Variants in CTNNA2 observed in about 807,000 individuals in gnomAD.
CTNNA2 encodes the protein catenin alpha-2.
In CTNNA2, 42 loss-of-function variants were observed where a neutral mutation model predicts 101.0. The observed-to-expected ratio is 0.42, with a 90% confidence interval of 0.32 to 0.54. CTNNA2 has a LOEUF of 0.54. Ranked by LOEUF, CTNNA2 falls within the 20% of genes least tolerant of loss-of-function variation. The pLI is 0.14. For synonymous variants in CTNNA2, 450 were observed against 456.4 expected, an observed-to-expected ratio of 0.99 and a Z score of 0.18; for missense variants, 871 against 1,223.1, an observed-to-expected ratio of 0.71 and a Z score of 4.29.
intron 7 of CTNNA2, among the ~76,000 whole-genome samples, chr2:79,946,121 C>T (rs534436040): frequency 3.3e-5 from 5 of 152,184 alleles, no homozygotes; most frequent in African/African-American, 9.6e-5. Flanking sequence ...GAGCCCCCTG[C>T]ATCCATCAAG....
At chr2:80,366,935 C>G (rs1674988860) in intron 7 of CTNNA2, among the ~76,000 whole-genome samples, 1 of 151,764 alleles carries the variant, frequency 6.6e-6, no homozygotes, top group Non-Finnish European at 1.5e-5. Context: ...TTGGTTCCAT[C>G]CAGAAAAGCG....
chr2:80,059,077 CT>C (rs1200289298), intron 7 of CTNNA2, among the ~76,000 whole-genome samples: 2 of 152,112 alleles, frequency 1.3e-5, no homozygotes, highest in Non-Finnish European at 2.9e-5. Flanking sequence ...AAAATATCTG[CT>C]GAGAATCACA....
chr2:80,426,403 A>G (rs1680996632), intron 9 of CTNNA2, among the ~76,000 whole-genome samples: 2 of 152,192 alleles, frequency 1.3e-5, no homozygotes, highest in African/African-American at 4.8e-5. Context: ...TATTCCTTCC[A>G]TTGCTTGCCT....
At chr2:79,986,871 T>A (rs1327622023) in intron 7 of CTNNA2, among the ~76,000 whole-genome samples, 1 of 152,142 alleles carries the variant, frequency 6.6e-6, no homozygotes, top group Non-Finnish European at 1.5e-5. Flanking sequence ...TGTTTACATG[T>A]TGTCTTTAAG....
rs191209789 is a variant in CTNNA2, at chr2:80,594,184, C to T, written c.2189+4699C>T. 1.4e-4 allele frequency among the ~76,000 whole-genome samples: 21 copies of T among 152,160 alleles called. 1 individual carries two copies. Among genetic ancestry groups the T allele is most frequent in the Admixed American group, 1.4e-3 (21 of 15,282 alleles). On this transcript the variant is annotated intron_variant, in intron 15 of 18. Transcript: ENST00000402739. ...CTGTTTTTTTCTTGATAGTAGCCAT[C>T]CTAATGGATGTGAAGTGGTGTCTCA...
intron 2 of CTNNA2, among the ~76,000 whole-genome samples, chr2:79,297,041 C>A (rs1256781429): frequency 6.6e-6 from 1 of 152,080 alleles, no homozygotes; most frequent in Non-Finnish European, 1.5e-5. Context: ...TGATTTGTCC[C>A]CATGTATCAT....
At chr2:79,764,670 T>G (rs1363377089) in intron 3 of CTNNA2, among the ~76,000 whole-genome samples, 1 of 152,204 alleles carries the variant, frequency 6.6e-6, no homozygotes, top group African/African-American at 2.4e-5. Flanking sequence ...GAACAGTCTT[T>G]GAGATAAGAG....
intron 18 of CTNNA2, among the ~76,000 whole-genome samples, chr2:80,640,213 G>A (rs1400816376): frequency 6.6e-6 from 1 of 152,202 alleles, no homozygotes; most frequent in Non-Finnish European, 1.5e-5. Flanking sequence ...TGATATATCT[G>A]TGCCATAAAC....
chr2:80,198,558 T>C (rs1334643847), intron 7 of CTNNA2, among the ~76,000 whole-genome samples: 1 of 151,932 alleles, frequency 6.6e-6, no homozygotes, highest in Admixed American at 6.6e-5. Context: ...GTTAGTCTGA[T>C]TTTTTAACAG....
chr2:80,445,285 G>A (rs1682974893), intron 9 of CTNNA2, among the ~76,000 whole-genome samples: 1 of 151,916 alleles, frequency 6.6e-6, no homozygotes, highest in Admixed American at 6.6e-5. Flanking sequence ...AGGCTCAAGC[G>A]ATTTTCCCAC....
At chr2:80,107,822 C>A (rs1046141824) in intron 7 of CTNNA2, among the ~76,000 whole-genome samples, 3 of 152,218 alleles carry the variant, frequency 2.0e-5, no homozygotes, top group Non-Finnish European at 2.9e-5. Context: ...CTGGGCACCA[C>A]CATGGGGCCT....
Position 80,233,863 on chromosome 2 carries a change from G to A in CTNNA2, c.1057-159348G>A, listed in dbSNP as rs561050286. 2.0e-5 allele frequency among the ~76,000 whole-genome samples: 3 copies of A among 152,176 alleles called. No homozygotes were observed. The South Asian group carries it at 6.2e-4, about 32-fold the overall frequency. ...AGTATTTCATTACATGTCAGAACAAGGAAAGATTTCTCATAATATTAAGTG... is the reference window on the plus strand; with the variant it reads ...AGTATTTCATTACATGTCAGAACAAAGAAAGATTTCTCATAATATTAAGTG... On this transcript the variant is annotated intron_variant, in intron 7 of 18. Coordinates refer to ENST00000402739, the MANE Select transcript of CTNNA2 (RefSeq NM_001282597.3).
intron 7 of CTNNA2, among the ~76,000 whole-genome samples, chr2:79,997,753 G>T (rs551232030): frequency 6.6e-6 from 1 of 152,054 alleles, no homozygotes; most frequent in African/African-American, 2.4e-5. Flanking sequence ...CTTATAAATC[G>T]GCCACTGTTA....
intron 1 of CTNNA2, among the ~76,000 whole-genome samples, chr2:79,631,992 C>T (rs1679727252): frequency 6.6e-6 from 1 of 151,912 alleles, no homozygotes; most frequent in African/African-American, 2.4e-5. Flanking sequence ...TTTTAAAATC[C>T]CTGTAATTTT....
chr2:80,480,399 T>A (rs569760636), intron 9 of CTNNA2, among the ~76,000 whole-genome samples: 3 of 152,264 alleles, frequency 2.0e-5, no homozygotes, highest in African/African-American at 7.2e-5. Context: ...AAATTAGATT[T>A]AACAGACATG....
At chr2:79,551,915 A>G (rs1674125664) in intron 1 of CTNNA2, among the ~76,000 whole-genome samples, 2 of 152,128 alleles carry the variant, frequency 1.3e-5, no homozygotes, top group African/African-American at 4.8e-5. Context: ...TTCCTCCAAC[A>G]TTGGTGATTA....
At chr2:79,856,714 T>C (rs1681166554) in intron 3 of CTNNA2, among the ~76,000 whole-genome samples, 4 of 152,168 alleles carry the variant, frequency 2.6e-5, no homozygotes, top group Admixed American at 2.6e-4. Context: ...TATACCTGAC[T>C]CTTGTATCGT....
chr2:80,561,655 A>G (rs1018947717), intron 12 of CTNNA2, among the ~76,000 whole-genome samples: 39 of 152,000 alleles, frequency 2.6e-4, no homozygotes, highest in African/African-American at 9.2e-4. Flanking sequence ...AGGGCAGGAA[A>G]GAAACACTTC....
intron 2 of CTNNA2, among the ~76,000 whole-genome samples, chr2:79,708,115 G>A (rs953227334): frequency 6.6e-6 from 1 of 152,156 alleles, no homozygotes; most frequent in Non-Finnish European, 1.5e-5. Flanking sequence ...CTGATTTTTA[G>A]TTAGATCAAG....
Sources: gnomAD v4.1 joint callset for allele counts (sites outside exome capture counted in the v4.1 genomes callset) on GRCh38, gnomAD v4.1.1 for gene constraint, MANE v1.5 for transcripts, NCBI Gene and HGNC (gene_info 2026-07-23, HGNC 2026-07-21) for gene names.